ERC2: variants seen among roughly 807,000 people sequenced by gnomAD.
ERC2 encodes the protein ERC protein 2.
Under a neutral mutation model 114.8 loss-of-function variants are expected in ERC2, and 42 were observed. That is an observed-to-expected ratio of 0.37 (90% CI 0.29 to 0.47). The LOEUF is 0.47. Ranked by LOEUF, ERC2 falls within the 20% of genes least tolerant of loss-of-function variation. ERC2 has a pLI of 0.99. For missense variants in ERC2, 939 were observed against 1,150.7 expected (o/e 0.82, Z 2.66); for synonymous variants, 454 against 425.5 (o/e 1.07, Z -0.82).
chr3:55,790,866 C>T (rs2069950390), intron 14 of ERC2, among the ~76,000 whole-genome samples: 1 of 152,172 alleles, frequency 6.6e-6, no homozygotes. Context: ...TCCTGGTTTT[C>T]GACTCAAAGG....
Position 55,853,159 on chromosome 3 carries a change from C to T in ERC2, c.2564+35230G>A, listed in dbSNP as rs769102182. Among the ~76,000 whole-genome samples, 80 of 152,312 alleles carry T rather than the reference C, an allele frequency of 5.3e-4. 1 individual carries two copies. Among genetic ancestry groups the T allele is most frequent in the Non-Finnish European group, 1.0e-3 (69 of 68,034 alleles). On this transcript the variant is annotated intron_variant, in intron 14 of 17. Transcript: ENST00000288221. ...GACAGCATATCCACCCACCCTCGAC[C>T]GTCCAACCATGTGATTCATGGGACA...
chr3:55,737,287 C>A lies in ERC2; in HGVS notation c.2565-2369G>T, dbSNP rs1332847356. Among the ~76,000 whole-genome samples, 7 of 152,146 alleles carry A rather than the reference C, an allele frequency of 4.6e-5. No homozygotes were observed. In the East Asian group the frequency reaches 1.3e-3, roughly 29 times the overall value. On this transcript the variant is annotated intron_variant, in intron 14 of 17. Transcript: ENST00000288221. ...AGCAGAACATGTCAGGAAATATCTC[C>A]ATTTTCCAGAAGAAAAGCAGTGCAG...
intron 3 of ERC2, among the ~76,000 whole-genome samples, chr3:56,250,285 T>C (rs541955102): frequency 2.6e-5 from 4 of 152,300 alleles, no homozygotes; most frequent in South Asian, 2.1e-4. Context: ...CTGTATATTA[T>C]GGAGGAAAAA....
intron 7 of ERC2, among the ~76,000 whole-genome samples, chr3:56,063,698 C>A (rs1485758918): frequency 1.3e-5 from 2 of 152,116 alleles, no homozygotes; most frequent in African/African-American, 4.8e-5. Flanking sequence ...ACAGTTCATG[C>A]CCTTAATAAA....
intron 17 of ERC2, among the ~76,000 whole-genome samples, chr3:55,524,788 A>AAG (rs991489498): frequency 1.3e-5 from 2 of 151,854 alleles, no homozygotes; most frequent in Admixed American, 6.6e-5. Context: ...ACAATGAAAA[A>AAG]AGAGAGAGAG....
intron 17 of ERC2, among the ~76,000 whole-genome samples, chr3:55,562,525 A>G (rs2056094070): frequency 6.6e-6 from 1 of 152,196 alleles, no homozygotes; most frequent in African/African-American, 2.4e-5. Context: ...CTTAGCTAAT[A>G]GAAGAAGTAA....
At chr3:56,413,616 TGGCA>T (rs2061028373) in intron 2 of ERC2, among the ~76,000 whole-genome samples, 1 of 152,168 alleles carries the variant, frequency 6.6e-6, no homozygotes. Flanking sequence ...AAAAGAACAG[TGGCA>T]TTCAGACACC....
intron 3 of ERC2, among the ~76,000 whole-genome samples, chr3:56,220,601 A>G (rs1004667557): frequency 2.0e-5 from 3 of 152,218 alleles, no homozygotes; most frequent in Non-Finnish European, 2.9e-5. Context: ...GCCTGTCACA[A>G]CCATCTCCAG....
intron 7 of ERC2, among the ~76,000 whole-genome samples, chr3:56,048,111 TA>T (rs1434796587): frequency 2.6e-5 from 4 of 152,234 alleles, no homozygotes; most frequent in African/African-American, 9.6e-5. Context: ...GATATTCAGA[TA>T]AGCAAGTCAA....
intron 13 of ERC2, among the ~76,000 whole-genome samples, chr3:55,921,517 C>T (rs1236168376): frequency 2.6e-5 from 4 of 152,044 alleles, no homozygotes; most frequent in Admixed American, 2.0e-4. Flanking sequence ...ATTCTGTCAT[C>T]GCAAACTGAA....
intron 7 of ERC2, among the ~76,000 whole-genome samples, chr3:56,040,228 C>G (rs1221512124): frequency 1.3e-5 from 2 of 152,106 alleles, no homozygotes; most frequent in Non-Finnish European, 1.5e-5. Flanking sequence ...TTTTCTTCAA[C>G]CATCACATAC....
intron 7 of ERC2, chr3:56,072,525 T>C (rs2076785073): frequency 6.6e-6 from 1 of 152,320 alleles, no homozygotes; most frequent in Non-Finnish European, 1.5e-5. Context: ...TCACAAACAC[T>C]AACCTGGATT....
At chr3:56,425,886 G>A (rs1345860068) in intron 2 of ERC2, among the ~76,000 whole-genome samples, 3 of 152,198 alleles carry the variant, frequency 2.0e-5, no homozygotes, top group Non-Finnish European at 4.4e-5. Context: ...GACATCTAGA[G>A]GCAGGTCATT....
chr3:56,394,489 T>C (rs536921688), intron 2 of ERC2, among the ~76,000 whole-genome samples: 3 of 152,292 alleles, frequency 2.0e-5, no homozygotes, highest in Admixed American at 6.5e-5. Flanking sequence ...ATCTAGAATA[T>C]ATAAAGAACT....
At chr3:56,227,549 C>T (rs1371960669) in intron 3 of ERC2, among the ~76,000 whole-genome samples, 3 of 152,060 alleles carry the variant, frequency 2.0e-5, no homozygotes, top group Non-Finnish European at 4.4e-5. Flanking sequence ...ACAGAAGCCC[C>T]CCTGACTCCG....
chr3:56,273,431 G>A (rs1270402000), intron 3 of ERC2, among the ~76,000 whole-genome samples: 3 of 151,714 alleles, frequency 2.0e-5, no homozygotes, highest in Non-Finnish European at 4.4e-5. Flanking sequence ...TTTTTGTAGA[G>A]ACAGGGTTTT....
intron 2 of ERC2, among the ~76,000 whole-genome samples, chr3:56,363,860 A>AGAAAGG (rs112669033): frequency 7.2e-4 from 107 of 149,162 alleles, no homozygotes; most frequent in African/African-American, 2.5e-3. Flanking sequence ...GAAGGGAAAA[A>AGAAAGG]GAAAGGGAAA....
intron 6 of ERC2, among the ~76,000 whole-genome samples, chr3:56,132,628 C>T (rs575571600): frequency 6.6e-6 from 1 of 152,214 alleles, no homozygotes; most frequent in East Asian, 1.9e-4. Context: ...CAGAGCGAGA[C>T]TCCGTCTCAA....
intron 7 of ERC2, among the ~76,000 whole-genome samples, chr3:56,044,671 T>C (rs2075371498): frequency 6.6e-6 from 1 of 152,094 alleles, no homozygotes; most frequent in South Asian, 2.1e-4. Flanking sequence ...TTGCAGAAAA[T>C]TTCCTCTTAA....
Sources: gnomAD v4.1 joint callset for allele counts (sites outside exome capture counted in the v4.1 genomes callset) on GRCh38, gnomAD v4.1.1 for gene constraint, MANE v1.5 for transcripts, NCBI Gene and HGNC (gene_info 2026-07-23, HGNC 2026-07-21) for gene names.